The following TRPM3 variants were observed in gnomAD, a reference collection of about 807,000 sequenced individuals.
TRPM3 encodes the protein transient receptor potential cation channel subfamily M member 3.
A neutral mutation model predicts 181.2 loss-of-function variants in TRPM3; 77 were observed. The ratio of observed to expected loss-of-function variants is 0.42; its 90% CI spans 0.35 to 0.51. The LOEUF is 0.51. Ranked by LOEUF, TRPM3 falls within the 20% of genes least tolerant of loss-of-function variation. The probability of loss-of-function intolerance (pLI) is 0.01; values close to 1 mark genes in which losing one functional copy is unlikely to be tolerated. For synonymous variants in TRPM3, 745 were observed against 796.4 expected (o/e 0.94, Z 1.09); for missense variants, 1,759 against 2,196.7 (o/e 0.80, Z 3.98).
intron 1 of TRPM3, among the ~76,000 whole-genome samples, chr9:70,980,824 G>A (rs1206817299): frequency 3.9e-5 from 6 of 152,068 alleles, no homozygotes; most frequent in African/African-American, 7.2e-5. Context: ...TGCTGTTTTC[G>A]CCTCATCTTC....
chr9:70,688,482 A>ATACT (rs755260334), intron 8 of TRPM3, among the ~76,000 whole-genome samples: 1 of 152,106 alleles, frequency 6.6e-6, no homozygotes, highest in Non-Finnish European at 1.5e-5. Context: ...CCATTATATC[A>ATACT]TACTTATGCC....
intron 7 of TRPM3, among the ~76,000 whole-genome samples, chr9:70,768,493 G>GT (rs890464632): frequency 2.5e-4 from 38 of 149,494 alleles, no homozygotes; most frequent in South Asian, 2.1e-3. Context: ...ACCAAAAACA[G>GT]TTTTTTTTTT....
At chr9:71,424,027 G>A (rs1660586703) in intron 1 of TRPM3, among the ~76,000 whole-genome samples, 2 of 152,094 alleles carry the variant, frequency 1.3e-5, no homozygotes, top group African/African-American at 4.8e-5. Context: ...CGCAAGCACC[G>A]CTCAATAGTT....
chr9:70,690,288 T>C (rs2068131718), intron 8 of TRPM3, among the ~76,000 whole-genome samples: 1 of 152,172 alleles, frequency 6.6e-6, no homozygotes, highest in South Asian at 2.1e-4. Context: ...ATACGATAGA[T>C]AATCAACAAA....
At chr9:71,243,540 G>C (rs1340079597) in intron 1 of TRPM3, among the ~76,000 whole-genome samples, 1 of 152,196 alleles carries the variant, frequency 6.6e-6, no homozygotes, top group Non-Finnish European at 1.5e-5. Context: ...GTCTCTCTGA[G>C]ATGTAACCTT....
rs1365688455 is a variant in TRPM3 at position 71,087,617 on chromosome 9, C to A, written c.177+33561G>T. Among the ~76,000 whole-genome samples the A allele has an allele frequency of 3.9e-5, 6 of 152,046 alleles. No individual in the cohort carries two copies. In the South Asian group the frequency reaches 1.0e-3, roughly 26 times the overall value. On this transcript the variant is annotated intron_variant, in intron 1 of 25. Transcript: ENST00000677713. ...CCCTCAATATATTTGTACCTCACTG[C>A]ATGACTGGGTACATTCTTTATTAAT...
chr9:70,994,216 C>G (rs1450790234), intron 1 of TRPM3, among the ~76,000 whole-genome samples: 2 of 152,144 alleles, frequency 1.3e-5, no homozygotes, highest in Non-Finnish European at 2.9e-5. Flanking sequence ...TAAAATAAAG[C>G]TACAGAGAGA....
At chr9:70,827,426 T>G (rs2093623191) in intron 6 of TRPM3, 1 of 153,260 alleles carries the variant, frequency 6.5e-6, no homozygotes, top group African/African-American at 2.4e-5. Flanking sequence ...ATGTTCAATT[T>G]CTTTGAAATG....
intron 12 of TRPM3, among the ~76,000 whole-genome samples, chr9:70,632,863 C>T (rs549861594): frequency 6.6e-6 from 1 of 152,214 alleles, no homozygotes; most frequent in African/African-American, 2.4e-5. Context: ...CTTTACATGC[C>T]TTCTAATCAT....
At chr9:70,846,922 T>C (rs954340348) in intron 3 of TRPM3, among the ~76,000 whole-genome samples, 4 of 152,238 alleles carry the variant, frequency 2.6e-5, no homozygotes, top group African/African-American at 9.6e-5. Flanking sequence ...TGTACAACAG[T>C]TCAAATGTTT....
At chr9:71,129,014 CAG>C (rs1322236758) in intron 1 of TRPM3, among the ~76,000 whole-genome samples, 1 of 152,188 alleles carries the variant, frequency 6.6e-6, no homozygotes, top group Non-Finnish European at 1.5e-5. Flanking sequence ...ACCTGGGAAA[CAG>C]AGACATACTG....
chr9:70,877,690 C>T (rs947134225), intron 1 of TRPM3, among the ~76,000 whole-genome samples: 6 of 151,880 alleles, frequency 4.0e-5, no homozygotes, highest in African/African-American at 1.2e-4. Flanking sequence ...TTAAACTCTA[C>T]GTTTGCAAGA....
At chr9:70,739,969 A>G (rs1158717475) in intron 8 of TRPM3, among the ~76,000 whole-genome samples, 2 of 152,176 alleles carry the variant, frequency 1.3e-5, no homozygotes, top group Non-Finnish European at 2.9e-5. Flanking sequence ...AGCCCTAGCC[A>G]GAACAATCAG....
At chr9:70,879,575 C>A (rs1180381728) in intron 1 of TRPM3, among the ~76,000 whole-genome samples, 1 of 151,994 alleles carries the variant, frequency 6.6e-6, no homozygotes, top group Non-Finnish European at 1.5e-5. Flanking sequence ...AGGGCAGGGA[C>A]CAGACCATAT....
intron 1 of TRPM3, among the ~76,000 whole-genome samples, chr9:71,278,017 T>C (rs990355491): frequency 1.3e-5 from 2 of 152,158 alleles, no homozygotes; most frequent in South Asian, 2.1e-4. Flanking sequence ...GTTCTAGTGG[T>C]CCTGTTATTT....
intron 7 of TRPM3, among the ~76,000 whole-genome samples, chr9:70,766,362 T>G (rs550315052): frequency 6.6e-6 from 1 of 152,278 alleles, no homozygotes; most frequent in Non-Finnish European, 1.5e-5. Context: ...GATTTAAAAA[T>G]TAGGAAATGC....
chr9:71,018,148 C>T (rs962509901), intron 1 of TRPM3, among the ~76,000 whole-genome samples: 22 of 151,410 alleles, frequency 1.5e-4, no homozygotes, highest in Admixed American at 6.6e-4. Context: ...AAATATGACA[C>T]GTTATAACTT....
At chr9:71,392,549 C>T (rs574793034) in intron 1 of TRPM3, among the ~76,000 whole-genome samples, 3 of 152,050 alleles carry the variant, frequency 2.0e-5, no homozygotes, top group African/African-American at 7.2e-5. Context: ...AATATGCTGC[C>T]TCATTTCTCC....
At chr9:70,934,256 T>C (rs1336192746) in intron 1 of TRPM3, among the ~76,000 whole-genome samples, 4 of 152,020 alleles carry the variant, frequency 2.6e-5, no homozygotes, top group South Asian at 2.1e-4. Flanking sequence ...CCATAGAAAA[T>C]TTGGGATGTT....
Sources: allele counts gnomAD v4.1 joint callset (sites outside exome capture counted in the v4.1 genomes callset), GRCh38; gene constraint gnomAD v4.1.1; transcripts MANE v1.5; gene names NCBI Gene and HGNC (gene_info 2026-07-23, HGNC 2026-07-21).